XRCC5: variants seen among roughly 807,000 people sequenced by gnomAD.
The protein encoded by XRCC5 is X-ray repair cross complementing 5.
Under a neutral mutation model 95.7 loss-of-function variants are expected in XRCC5, and 12 were observed. The ratio of observed to expected loss-of-function variants is 0.13; its 90% CI spans 0.08 to 0.20. The LOEUF is 0.20. Ranked by LOEUF, XRCC5 falls within the 10% of genes least tolerant of loss-of-function variation. The pLI is 1.00. For synonymous variants in XRCC5, 281 were observed against 290.3 expected (o/e 0.97, Z 0.33); for missense variants, 595 against 873.9 (o/e 0.68, Z 4.02).
chr2:216,122,298 T>C, intron 6 of XRCC5, 45 bp downstream of exon 6: 1 of 1,547,058 alleles, frequency 6.5e-7, no homozygotes, highest in Non-Finnish European at 8.7e-7. Flanking sequence ...TGTACCCACG[T>C]AAATTTCTCT....
chr2:216,138,177 C>T lies in XRCC5; in HGVS notation c.1340C>T (p.Thr447Ile), dbSNP rs1232860962. 1.2e-6 allele frequency: 2 copies of T among 1,612,116 alleles called. No homozygotes were observed. The highest frequency in any genetic ancestry group is 1.3e-5 in the African/African-American group (1 of 74,892). Residue 447 changes from threonine to isoleucine, a missense_variant and splice_region_variant, in exon 12 of 21, where the codon ACC becomes ATC. By Grantham distance (89) the Thr-to-Ile change is moderately conservative (BLOSUM62 -1). This residue lies in a region of XRCC5 where 309 missense variants were observed against 382.9 expected (regional missense o/e 0.81). Coordinates refer to ENST00000392132, the MANE Select transcript of XRCC5 (RefSeq NM_021141.4). ...SLKNSKKYAPTEAQLNAVDAL... is the reference protein window; with the variant it reads ...SLKNSKKYAPIEAQLNAVDAL... ...AAAAACAGTAAGAAATATGCTCCCA[C>T]CGGTGAGTTTGTTTTCATTTAGATC...
At chr2:216,157,130 A>G (rs921018135) in intron 14 of XRCC5, among the ~76,000 whole-genome samples, 1 of 152,048 alleles carries the variant, frequency 6.6e-6, no homozygotes, top group African/African-American at 2.4e-5. Flanking sequence ...ACGTTTTTTA[A>G]TGCTCCTAAT....
At chr2:216,161,060 T>C (rs1688943048) in intron 15 of XRCC5, among the ~76,000 whole-genome samples, 2 of 152,182 alleles carry the variant, frequency 1.3e-5, no homozygotes, top group Admixed American at 1.3e-4. Context: ...CCGATAACTT[T>C]TTAACACAAT....
chr2:216,198,596 C>A (rs1312880372), intron 19 of XRCC5, among the ~76,000 whole-genome samples: 2 of 151,748 alleles, frequency 1.3e-5, no homozygotes, highest in African/African-American at 4.8e-5. Context: ...CCCTCTGTTG[C>A]CCAAGCTGGA....
rs530902986 is a variant in XRCC5 at position 216,157,441 on chromosome 2, G to A, written c.1671-2627G>A. Among the ~76,000 whole-genome samples, 13 of 152,054 alleles carry A rather than the reference G, an allele frequency of 8.5e-5. No homozygotes were observed. In the South Asian group the frequency reaches 2.7e-3, roughly 31 times the overall value. On this transcript the variant is annotated intron_variant, in intron 14 of 20. Coordinates refer to ENST00000392132, the MANE Select transcript of XRCC5 (RefSeq NM_021141.4). ...ATAGAGGTGGGGTTTCACCGTGTTA[G>A]CCAGGATGATCTCGATCTCCTGACC...
chr2:216,150,423 T>A (rs1213779443), intron 14 of XRCC5, among the ~76,000 whole-genome samples: 1 of 152,178 alleles, frequency 6.6e-6, no homozygotes, highest in African/African-American at 2.4e-5. Flanking sequence ...CAGGGATACA[T>A]TCTGAGAACC....
intron 16 of XRCC5, 61 bp downstream of exon 16, chr2:216,162,109 T>C (rs1479256430): frequency 6.8e-7 from 1 of 1,462,220 alleles, no homozygotes; most frequent in Non-Finnish European, 9.6e-7. Context: ...ATTTAAAGTC[T>C]AGATTAAGAA....
chr2:216,138,312 A>G (rs963881461), intron 12 of XRCC5, 133 bp downstream of exon 12: 1 of 750,944 alleles, frequency 1.3e-6, no homozygotes, highest in Non-Finnish European at 2.2e-6. Context: ...ATACACTTAG[A>G]CACAGTAATG....
chr2:216,198,739 G>C (rs916933934), intron 19 of XRCC5, among the ~76,000 whole-genome samples: 1 of 152,034 alleles, frequency 6.6e-6, no homozygotes, highest in Non-Finnish European at 1.5e-5. Context: ...TTTTAGTAGA[G>C]ATGGGGTTTT....
chr2:216,169,022 G>A (rs779391120), intron 16 of XRCC5, among the ~76,000 whole-genome samples: 1 of 152,190 alleles, frequency 6.6e-6, no homozygotes, highest in Non-Finnish European at 1.5e-5. Context: ...CTGAAACCTT[G>A]TGCCTGTTGA....
intron 19 of XRCC5, among the ~76,000 whole-genome samples, chr2:216,201,462 A>G (rs1689832361): frequency 6.6e-6 from 1 of 152,052 alleles, no homozygotes; most frequent in African/African-American, 2.4e-5. Context: ...TTCTATATAG[A>G]GGTTATTGAT....
chr2:216,125,998 C>T lies in XRCC5; in HGVS notation c.765C>T (p.Ser255=). The change falls in exon 7 of 21, where the codon TCC becomes TCT. Residue 255 remains serine, a synonymous_variant. Coordinates refer to ENST00000392132, the MANE Select transcript of XRCC5 (RefSeq NM_021141.4). ...IHWPCRLTIG[S]NLSIRIAAYK... ...GGCCCTGCCGACTGACCATTGGCTC[C>T]AATTTGTCTATAAGGATTGCAGCCT... 1.2e-6 allele frequency: 2 copies of T among 1,613,914 alleles called. No individual in the cohort carries two copies. Among genetic ancestry groups the T allele is most frequent in the Non-Finnish European group, 1.7e-6 (2 of 1,179,820 alleles).
chr2:216,146,220 G>C (rs974833637), intron 13 of XRCC5, among the ~76,000 whole-genome samples: 1 of 152,198 alleles, frequency 6.6e-6, no homozygotes, highest in African/African-American at 2.4e-5. Flanking sequence ...TGGTTGAAAT[G>C]GGGAAGGGAG....
intron 13 of XRCC5, among the ~76,000 whole-genome samples, chr2:216,144,776 C>A (rs1297496445): frequency 6.6e-6 from 1 of 152,166 alleles, no homozygotes; most frequent in Non-Finnish European, 1.5e-5. Context: ...GAGAGTCCTC[C>A]TCATTGAGGC....
intron 16 of XRCC5, among the ~76,000 whole-genome samples, chr2:216,181,264 C>CAT (rs1430970877): frequency 6.6e-6 from 1 of 152,156 alleles, no homozygotes; most frequent in African/African-American, 2.4e-5. Context: ...TTGGACAGTT[C>CAT]CAGCATCCTT....
chr2:216,150,416 G>A (rs1382910025), intron 14 of XRCC5, among the ~76,000 whole-genome samples: 3 of 152,112 alleles, frequency 2.0e-5, no homozygotes, highest in African/African-American at 7.2e-5. Context: ...TTAACGACAG[G>A]GATACATTCT....
intron 2 of XRCC5, among the ~76,000 whole-genome samples, chr2:216,115,778 T>C (rs981585450): frequency 2.0e-5 from 3 of 152,046 alleles, no homozygotes; most frequent in Non-Finnish European, 4.4e-5. Context: ...CATTGTCTTA[T>C]GCTGTAAATC....
At chr2:216,174,841 G>T in intron 16 of XRCC5, 1 of 231,828 alleles carries the variant, frequency 4.3e-6, no homozygotes, top group Non-Finnish European at 8.7e-6. Context: ...CAACTTTTGT[G>T]ACAACTCCTT....
chr2:216,123,303 T>G (rs1021620621), intron 6 of XRCC5, among the ~76,000 whole-genome samples: 5 of 152,168 alleles, frequency 3.3e-5, no homozygotes, highest in Non-Finnish European at 7.4e-5. Context: ...ATTTTCTAAA[T>G]ACAGACAGCC....
Sources: gnomAD v4.1 joint callset for allele counts (sites outside exome capture counted in the v4.1 genomes callset) on GRCh38, gnomAD v4.1.1 for gene constraint, gnomAD v4.1.1 regional missense constraint, MANE v1.5 for transcripts, NCBI Gene and HGNC (gene_info 2026-07-23, HGNC 2026-07-21) for gene names.